Variants in FOCAD observed in about 807,000 individuals in gnomAD.
FOCAD encodes focadhesin.
A neutral mutation model predicts 225.6 loss-of-function variants in FOCAD; 198 were observed. The ratio of observed to expected loss-of-function variants is 0.88; its 90% CI spans 0.78 to 0.99. The LOEUF is 0.99. FOCAD is among the 50% of genes least tolerant of loss of function. The probability of loss-of-function intolerance (pLI) is 0.00; values close to 1 mark genes in which losing one functional copy is unlikely to be tolerated. For synonymous variants in FOCAD, 897 were observed against 755.0 expected, an observed-to-expected ratio of 1.19 and a Z score of -3.08; for missense variants, 2,713 against 2,123.6, an observed-to-expected ratio of 1.28 and a Z score of -5.46.
chr9:20,855,614 A>G (rs1828097968), intron 15 of FOCAD, among the ~76,000 whole-genome samples: 1 of 151,590 alleles, frequency 6.6e-6, no homozygotes. Flanking sequence ...CATTTCAATT[A>G]TAGTCTCTTA....
Position 20,874,755 on chromosome 9 carries a change from T to C in FOCAD, c.2265T>C (p.Pro755=), listed in dbSNP as rs138610241. ...EDVEDVDLSV[P]GSCYLKLLSL... ...TTGAGGATGTGGATCTTTCAGTTCC[T>C]GGCTCTTGCTATCTCAAACTGTTGT... The change falls in exon 19 of 44, where the codon CCT becomes CCC. Residue 755 remains proline (P), a synonymous_variant. Coordinates refer to ENST00000338382, the MANE Select transcript of FOCAD (RefSeq NM_001375567.1). The C allele has an allele frequency of 9.3e-6, 15 of 1,613,646 alleles. No homozygotes were observed. The highest frequency in any genetic ancestry group is 1.6e-4 in the Middle Eastern group (1 of 6,076).
intron 11 of FOCAD, among the ~76,000 whole-genome samples, chr9:20,793,825 T>C (rs1303944470): frequency 6.6e-6 from 1 of 152,164 alleles, no homozygotes; most frequent in African/African-American, 2.4e-5. Context: ...AATTTCATAA[T>C]AGGTAGGAGG....
chr9:20,985,397 C>A (rs1012810783), intron 39 of FOCAD, among the ~76,000 whole-genome samples: 3 of 152,134 alleles, frequency 2.0e-5, no homozygotes, highest in African/African-American at 7.2e-5. Context: ...GAAGCAGAAA[C>A]AAATTTTCCA....
At chr9:20,741,674 T>A (rs1377218187) in intron 5 of FOCAD, among the ~76,000 whole-genome samples, 2 of 116,558 alleles carry the variant, frequency 1.7e-5, no homozygotes, top group Admixed American at 2.2e-4. Context: ...TCGGTAAATA[T>A]GCTTTTTTTT....
In FOCAD at chr9:20,715,318, A is replaced by G; in HGVS notation, c.-32-4A>G. ...TAACAAATATTCTTTTGTTTTGGTT[A>G]CAGAAGCTGCACACATACATGTAAG... On this transcript the variant is annotated splice_region_variant and splice_polypyrimidine_tract_variant and intron_variant, in intron 1 of 43. Coordinates refer to ENST00000338382, the MANE Select transcript of FOCAD (RefSeq NM_001375567.1). 1 of 1,428,242 alleles carries G rather than the reference A, an allele frequency of 7.0e-7. No individual in the cohort carries two copies. Among genetic ancestry groups the G allele is most frequent in the African/African-American group, 1.4e-5 (1 of 69,896 alleles). The allele number at this position is 1,428,242 out of a possible 1,614,324, so 88.5% of individuals were successfully genotyped here.
At chr9:20,813,428 C>T (rs958536425) in intron 11 of FOCAD, among the ~76,000 whole-genome samples, 8 of 152,138 alleles carry the variant, frequency 5.3e-5, no homozygotes, top group African/African-American at 1.9e-4. Flanking sequence ...GAGGAACCTT[C>T]ATGCTGTTAC....
chr9:20,827,111 G>A (rs1221749506), intron 15 of FOCAD, among the ~76,000 whole-genome samples: 1 of 151,994 alleles, frequency 6.6e-6, no homozygotes, highest in African/African-American at 2.4e-5. Context: ...AGTATATTCA[G>A]AGAGTTATGC....
intron 28 of FOCAD, among the ~76,000 whole-genome samples, chr9:20,940,255 C>T (rs1178420462): frequency 6.7e-6 from 1 of 149,382 alleles, no homozygotes; most frequent in Admixed American, 6.7e-5. Flanking sequence ...CTAATGCTCT[C>T]TAGGTGTCAG....
At chr9:20,753,492 T>G (rs947058252) in intron 5 of FOCAD, among the ~76,000 whole-genome samples, 7 of 151,976 alleles carry the variant, frequency 4.6e-5, no homozygotes, top group African/African-American at 9.7e-5. Flanking sequence ...AACCAGCCTT[T>G]CATCCCAGGG....
At chr9:20,659,772 A>C (rs916288946) in intron 2 of FOCAD, among the ~76,000 whole-genome samples, 1 of 152,238 alleles carries the variant, frequency 6.6e-6, no homozygotes, top group Admixed American at 6.5e-5. Context: ...TTTTGATGGC[A>C]TTGTGAAAGC....
chr9:20,672,649 C>T (rs1243433708), intron 2 of FOCAD, among the ~76,000 whole-genome samples: 2 of 152,202 alleles, frequency 1.3e-5, no homozygotes, highest in Non-Finnish European at 2.9e-5. Context: ...CAGGGTCTCG[C>T]CACATTGGCC....
At chr9:20,840,794 G>T (rs1826445242) in intron 15 of FOCAD, among the ~76,000 whole-genome samples, 1 of 151,734 alleles carries the variant, frequency 6.6e-6, no homozygotes, top group African/African-American at 2.4e-5. Flanking sequence ...CCTTAGTCTT[G>T]TTCTAGATTG....
chr9:20,976,668 G>A (rs1840260839), intron 36 of FOCAD, 120 bp downstream of exon 36: 1 of 1,093,340 alleles, frequency 9.1e-7, no homozygotes, highest in African/African-American at 1.6e-5. Flanking sequence ...CTTGAGGTTT[G>A]TCATGTTGGA....
At chr9:20,750,034 A>C (rs561283072) in intron 5 of FOCAD, among the ~76,000 whole-genome samples, 5 of 152,222 alleles carry the variant, frequency 3.3e-5, no homozygotes, top group South Asian at 2.1e-4. Flanking sequence ...TGATGATATT[A>C]ATAAAGAGTG....
intron 34 of FOCAD, among the ~76,000 whole-genome samples, chr9:20,951,846 C>T (rs986595734): frequency 6.6e-6 from 1 of 152,132 alleles, no homozygotes; most frequent in African/African-American, 2.4e-5. Context: ...TATCTTGGAC[C>T]CAGGCCAGAG....
At chr9:20,968,021 G>T (rs1197087360) in intron 35 of FOCAD, among the ~76,000 whole-genome samples, 1 of 152,126 alleles carries the variant, frequency 6.6e-6, no homozygotes, top group Non-Finnish European at 1.5e-5. Flanking sequence ...GAAAGAAATT[G>T]AGAAAGATTG....
chr9:20,746,273 G>C (rs773292525), intron 5 of FOCAD, among the ~76,000 whole-genome samples: 5 of 152,158 alleles, frequency 3.3e-5, no homozygotes, highest in Admixed American at 6.5e-5. Context: ...TCAGAGGAAG[G>C]AAAAGCAAGT....
At chr9:20,755,513 G>C (rs1428408694) in intron 5 of FOCAD, among the ~76,000 whole-genome samples, 1 of 152,136 alleles carries the variant, frequency 6.6e-6, no homozygotes, top group African/African-American at 2.4e-5. Context: ...TTTTAAAAAG[G>C]AGATAGATTC....
At chr9:20,816,312 C>G (rs1348139930) in intron 11 of FOCAD, among the ~76,000 whole-genome samples, 1 of 152,068 alleles carries the variant, frequency 6.6e-6, no homozygotes, top group African/African-American at 2.4e-5. Context: ...AGAAATCTTT[C>G]TAGAAGGGGA....
Sources: gnomAD v4.1 joint callset for allele counts (sites outside exome capture counted in the v4.1 genomes callset) on GRCh38, gnomAD v4.1.1 for gene constraint, MANE v1.5 for transcripts, NCBI Gene and HGNC (gene_info 2026-07-23, HGNC 2026-07-21) for gene names.